Variants in MCU observed in about 807,000 individuals in gnomAD.
The protein encoded by MCU is mitochondrial calcium uniporter, also known as calcium uniporter protein, mitochondrial.
Under a neutral mutation model 45.2 loss-of-function variants are expected in MCU, and 12 were observed. That is an observed-to-expected ratio of 0.27 (90% CI 0.17 to 0.43). MCU has a LOEUF of 0.43. MCU is among the 20% of genes least tolerant of loss of function. MCU has a pLI of 1.00. For synonymous variants in MCU, 160 were observed against 165.1 expected (o/e 0.97, Z 0.24); for missense variants, 324 against 436.7 (o/e 0.74, Z 2.30).
chr10:72,826,178 G>A (rs575747668), intron 1 of MCU, among the ~76,000 whole-genome samples: 1 of 152,272 alleles, frequency 6.6e-6, no homozygotes, highest in South Asian at 2.1e-4. Flanking sequence ...TGGGGTTAGA[G>A]GTTAGAATCG....
intron 1 of MCU, among the ~76,000 whole-genome samples, chr10:72,700,018 C>G (rs899158852): frequency 1.3e-5 from 2 of 151,434 alleles, no homozygotes; most frequent in African/African-American, 4.9e-5. Flanking sequence ...ATTTAAAACA[C>G]TTAAGCTGAG....
At chr10:72,812,239 C>T (rs921759670) in intron 1 of MCU, among the ~76,000 whole-genome samples, 7 of 150,460 alleles carry the variant, frequency 4.7e-5, no homozygotes, top group African/African-American at 1.7e-4. Flanking sequence ...CTCCACTGCC[C>T]GATTCAAGCA....
At chr10:72,847,192 C>G (rs1262396096) in intron 2 of MCU, among the ~76,000 whole-genome samples, 2 of 152,172 alleles carry the variant, frequency 1.3e-5, no homozygotes, top group African/African-American at 4.8e-5. Flanking sequence ...CCAGGGTGAT[C>G]TAGAACTCCT....
intron 1 of MCU, among the ~76,000 whole-genome samples, chr10:72,784,190 C>G (rs904700361): frequency 6.6e-6 from 1 of 152,160 alleles, no homozygotes; most frequent in African/African-American, 2.4e-5. Flanking sequence ...CTTCTGCTCC[C>G]TCTTGAGAAC....
chr10:72,884,235 G>A (rs367815449), intron 6 of MCU, 31 bp from the exon 7 acceptor site: 289 of 1,275,920 alleles, frequency 2.3e-4, no homozygotes, highest in Non-Finnish European at 3.0e-4. Flanking sequence ...GTATGCTAAG[G>A]ACTGATAATT....
chr10:72,801,494 C>T (rs940989144), intron 1 of MCU, among the ~76,000 whole-genome samples: 1 of 150,552 alleles, frequency 6.6e-6, no homozygotes, highest in African/African-American at 2.4e-5. Context: ...ACTGTAGTTT[C>T]ATGTTCTTCA....
At chr10:72,882,341 T>C (rs924713456) in intron 6 of MCU, among the ~76,000 whole-genome samples, 37 of 152,202 alleles carry the variant, frequency 2.4e-4, no homozygotes, top group Non-Finnish European at 3.5e-4. Flanking sequence ...ATAAGAGAGA[T>C]AACCTTAAAC....
At chr10:72,755,985 C>CG (rs1564547978) in intron 1 of MCU, among the ~76,000 whole-genome samples, 1 of 151,842 alleles carries the variant, frequency 6.6e-6, no homozygotes, top group African/African-American at 2.4e-5. Flanking sequence ...CTGGGACTAC[C>CG]GGTGTGCACC....
Position 72,872,933 on chromosome 10 carries a change from T to TATA in MCU, c.861+1354_861+1356dup, listed in dbSNP as rs747863509. Among the ~76,000 whole-genome samples the TATA allele has an allele frequency of 6.8e-4, 104 of 152,012 alleles. 1 individual carries two copies. Among genetic ancestry groups the TATA allele is most frequent in the Admixed American group, 1.4e-3 (22 of 15,262 alleles). ...ATTTGATATTCTTTTTCTTTTTTAT[T>TATA]ATAGCCATTTTAACTGGAATGAGAT... On this transcript the variant is annotated intron_variant, in intron 6 of 7. Transcript: ENST00000373053.
chr10:72,860,635 C>T, intron 4 of MCU, 108 bp downstream of exon 4: 1 of 818,686 alleles, frequency 1.2e-6, no homozygotes, highest in Non-Finnish European at 2.0e-6. Context: ...ATTCAAAGAA[C>T]ACTGAAAGTT....
At chr10:72,868,987 A>G in intron 5 of MCU, 124 bp downstream of exon 5, 1 of 1,015,696 alleles carries the variant, frequency 9.8e-7, no homozygotes, top group Non-Finnish European at 1.4e-6. Context: ...TCTTTAGTTT[A>G]TGGGACTGAA....
At chr10:72,783,549 G>A (rs2132754843) in intron 1 of MCU, among the ~76,000 whole-genome samples, 2 of 152,302 alleles carry the variant, frequency 1.3e-5, no homozygotes, top group Middle Eastern at 6.8e-3. Context: ...AGTTTACTTA[G>A]TGGAGCAGTG....
intron 1 of MCU, among the ~76,000 whole-genome samples, chr10:72,699,281 C>T (rs959743483): frequency 3.9e-5 from 6 of 152,086 alleles, no homozygotes; most frequent in South Asian, 2.1e-4. Context: ...CCGAGGCGGG[C>T]GGATCATGAG....
intron 2 of MCU, among the ~76,000 whole-genome samples, chr10:72,842,699 T>G (rs1845065253): frequency 6.6e-6 from 1 of 151,996 alleles, no homozygotes; most frequent in African/African-American, 2.4e-5. Flanking sequence ...GAAATGGCCA[T>G]TAATTTTGGT....
intron 1 of MCU, among the ~76,000 whole-genome samples, chr10:72,750,847 T>G (rs1332515104): frequency 1.3e-5 from 2 of 152,338 alleles, no homozygotes; most frequent in Middle Eastern, 3.4e-3. Context: ...ACTTTTGCCT[T>G]TTGCAGATTG....
At chr10:72,776,593 A>C (rs760531393) in intron 1 of MCU, among the ~76,000 whole-genome samples, 2 of 152,236 alleles carry the variant, frequency 1.3e-5, no homozygotes, top group Admixed American at 1.3e-4. Flanking sequence ...CATAAATGAC[A>C]AACTCATAGC....
intron 1 of MCU, among the ~76,000 whole-genome samples, chr10:72,758,335 G>A (rs1589447283): frequency 6.6e-6 from 1 of 152,148 alleles, no homozygotes; most frequent in East Asian, 1.9e-4. Context: ...CATTGCACCT[G>A]CTTCTTCGGT....
At chr10:72,710,448 A>C (rs377108338) in intron 1 of MCU, among the ~76,000 whole-genome samples, 1 of 151,858 alleles carries the variant, frequency 6.6e-6, no homozygotes, top group Admixed American at 6.6e-5. Context: ...AGCATTAGAC[A>C]GTCATAGCAC....
intron 5 of MCU, among the ~76,000 whole-genome samples, chr10:72,869,146 C>A (rs112863927): frequency 9.5e-4 from 145 of 152,282 alleles, no homozygotes; most frequent in African/African-American, 2.9e-3. Flanking sequence ...AACTGCTGAT[C>A]AGGAAAGGCT....
Sources: gnomAD v4.1 joint callset for allele counts (sites outside exome capture counted in the v4.1 genomes callset) on GRCh38, gnomAD v4.1.1 for gene constraint, MANE v1.5 for transcripts, NCBI Gene and HGNC (gene_info 2026-07-23, HGNC 2026-07-21) for gene names.